ADGRL3: variants seen among roughly 807,000 people sequenced by gnomAD.
The protein encoded by ADGRL3 is adhesion G protein-coupled receptor L3.
A neutral mutation model predicts 153.5 loss-of-function variants in ADGRL3; 62 were observed. The observed-to-expected ratio is 0.40, with a 90% CI of 0.33 to 0.50. The LOEUF (loss-of-function observed/expected upper bound fraction) is 0.50, where lower values mean the gene tolerates loss of function less well. ADGRL3 is among the 20% of genes least tolerant of loss of function. ADGRL3 has a pLI of 0.47. For missense variants in ADGRL3, 1,641 were observed against 1,859.4 expected (o/e 0.88, Z 2.16); for synonymous variants, 710 against 672.5 (o/e 1.06, Z -0.86).
chr4:61,842,486 C>T (rs942834427), intron 9 of ADGRL3, among the ~76,000 whole-genome samples: 2 of 152,118 alleles, frequency 1.3e-5, no homozygotes, highest in African/African-American at 4.8e-5. Context: ...ATCTAGGTAG[C>T]TGGCTGATTG....
intron 2 of ADGRL3, among the ~76,000 whole-genome samples, chr4:61,469,561 T>C (rs335333): frequency 0.94 from 143,497 of 152,080 alleles, 68,263 homozygotes; most frequent in East Asian, 1. Context: ...TGTGCTCTCT[T>C]AGGCATTTCA....
In ADGRL3 at chr4:61,200,949, G is replaced by A. The variant is rs1307522893; in HGVS notation, c.-1056G>A. ...GGCCGGGCGCCCGCTCTGTCTGCGC[G>A]CCCCCTCCGTGCACCGGGGAAGGAG... On this transcript the variant is annotated 5_prime_UTR_variant, in exon 1 of 27. Coordinates refer to ENST00000683033, the MANE Select transcript of ADGRL3 (RefSeq NM_001387552.1). Among the ~76,000 whole-genome samples, 2 of 152,176 alleles carry A rather than the reference G, an allele frequency of 1.3e-5. No individual in the cohort carries two copies. The highest frequency in any genetic ancestry group is 3.9e-4 in the East Asian group (2 of 5,102).
At chr4:61,666,941 C>G (rs1050660005) in intron 5 of ADGRL3, among the ~76,000 whole-genome samples, 4 of 152,132 alleles carry the variant, frequency 2.6e-5, no homozygotes, top group African/African-American at 9.7e-5. Context: ...AAGCATTTAA[C>G]TAGTGAAAGA....
chr4:61,352,541 C>G (rs1045935877), intron 1 of ADGRL3, among the ~76,000 whole-genome samples: 18 of 151,914 alleles, frequency 1.2e-4, no homozygotes, highest in Non-Finnish European at 2.4e-4. Flanking sequence ...CGCAACACCA[C>G]CCCTGGCTAA....
chr4:61,887,474 T>A (rs1006860590), intron 9 of ADGRL3, among the ~76,000 whole-genome samples: 1 of 152,212 alleles, frequency 6.6e-6, no homozygotes, highest in Non-Finnish European at 1.5e-5. Context: ...TTCTCATTTT[T>A]AAAACTAGGA....
At chr4:61,259,292 G>A (rs187812899) in intron 1 of ADGRL3, among the ~76,000 whole-genome samples, 11,449 of 151,916 alleles carry the variant, frequency 0.075, 399 homozygotes, top group Non-Finnish European at 0.091. Flanking sequence ...GCGTGGTGGC[G>A]GGCACCTGTA....
intron 4 of ADGRL3, among the ~76,000 whole-genome samples, chr4:61,530,680 A>G (rs2098607336): frequency 6.6e-6 from 1 of 152,296 alleles, no homozygotes; most frequent in Non-Finnish European, 1.5e-5. Flanking sequence ...AGCTCTCTAT[A>G]GTGCTGCATT....
At position 61,220,034 on chromosome 4, in the gene ADGRL3, G is replaced by T. The variant is rs1479903407; in HGVS notation, c.-240+18269G>T. Among the ~76,000 whole-genome samples the T allele has an allele frequency of 2.6e-5, 4 of 151,646 alleles. No individual in the cohort carries two copies. In the Middle Eastern group the frequency reaches 0.01, roughly 387 times the overall value. On this transcript the variant is annotated intron_variant, in intron 1 of 26. Coordinates refer to ENST00000683033, the MANE Select transcript of ADGRL3 (RefSeq NM_001387552.1). ...GAGGCAGGAGAATCGCTTGAACCTG[G>T]GGGGCGGAGGTTGCATTGAGCTGAG...
chr4:62,049,679 C>T (rs887217787), intron 25 of ADGRL3, among the ~76,000 whole-genome samples: 1 of 152,116 alleles, frequency 6.6e-6, no homozygotes, highest in Non-Finnish European at 1.5e-5. Context: ...AAAGTGACCC[C>T]ACCTGTTAGG....
chr4:61,739,305 T>C (rs1019302788), intron 8 of ADGRL3, among the ~76,000 whole-genome samples: 13 of 143,114 alleles, frequency 9.1e-5, no homozygotes, highest in African/African-American at 3.3e-4. Context: ...TTCTACAAAT[T>C]ACTTTTTTTT....
At chr4:62,064,554 T>G (rs972763864) in intron 25 of ADGRL3, among the ~76,000 whole-genome samples, 19 of 152,018 alleles carry the variant, frequency 1.2e-4, no homozygotes, top group Non-Finnish European at 1.6e-4. Flanking sequence ...GAAAGAAAAT[T>G]CACAATTACA....
At chr4:61,250,616 G>A (rs754185449) in intron 1 of ADGRL3, among the ~76,000 whole-genome samples, 3 of 152,160 alleles carry the variant, frequency 2.0e-5, no homozygotes, top group Non-Finnish European at 4.4e-5. Context: ...ACCACTTCAA[G>A]TAAATTTTCC....
At chr4:61,498,618 G>A (rs2098347933) in intron 3 of ADGRL3, among the ~76,000 whole-genome samples, 1 of 151,966 alleles carries the variant, frequency 6.6e-6, no homozygotes, top group South Asian at 2.1e-4. Context: ...TTAAAGAAAG[G>A]TGTGATTATG....
chr4:61,208,161 A>T (rs900146136), intron 1 of ADGRL3, among the ~76,000 whole-genome samples: 8 of 152,120 alleles, frequency 5.3e-5, no homozygotes, highest in African/African-American at 1.9e-4. Flanking sequence ...AAATATCTGG[A>T]TCTAGGCCCT....
At chr4:61,888,620 G>T (rs996666623) in intron 9 of ADGRL3, among the ~76,000 whole-genome samples, 1 of 152,086 alleles carries the variant, frequency 6.6e-6, no homozygotes, top group South Asian at 2.1e-4. Context: ...GGGGGATCAG[G>T]GACAGCCTTT....
At chr4:62,024,659 G>C (rs1717279227) in intron 21 of ADGRL3, among the ~76,000 whole-genome samples, 1 of 151,858 alleles carries the variant, frequency 6.6e-6, no homozygotes, top group African/African-American at 2.4e-5. Flanking sequence ...GGCTGGGCAC[G>C]GTAGCTCACG....
chr4:61,517,841 A>G (rs966927168), intron 4 of ADGRL3, among the ~76,000 whole-genome samples: 1 of 152,218 alleles, frequency 6.6e-6, no homozygotes, highest in Admixed American at 6.5e-5. Context: ...AAAATTTGAA[A>G]GGCTGTATAA....
intron 1 of ADGRL3, among the ~76,000 whole-genome samples, chr4:61,248,157 T>G (rs974929843): frequency 6.6e-6 from 1 of 152,098 alleles, no homozygotes; most frequent in Non-Finnish European, 1.5e-5. Context: ...TTTCTTTGCT[T>G]CTTTAGCAGT....
chr4:61,755,981 C>A (rs1376191602), intron 8 of ADGRL3, among the ~76,000 whole-genome samples: 1 of 152,046 alleles, frequency 6.6e-6, no homozygotes, highest in Non-Finnish European at 1.5e-5. Context: ...TGATCTATAT[C>A]TCTGTTTTGG....
Sources: gnomAD v4.1 joint callset for allele counts (sites outside exome capture counted in the v4.1 genomes callset) on GRCh38, gnomAD v4.1.1 for gene constraint, MANE v1.5 for transcripts, NCBI Gene and HGNC (gene_info 2026-07-23, HGNC 2026-07-21) for gene names.